Variants in ABCC1 observed in about 807,000 individuals in gnomAD.
The protein encoded by ABCC1 is ATP binding cassette subfamily C member 1 (ABCC1 blood group).
ABCC1 carries 83 observed loss-of-function variants against 172.9 expected under a neutral mutation model. The ratio of observed to expected loss-of-function variants is 0.48; its 90% CI spans 0.40 to 0.58. The LOEUF is 0.58. ABCC1 is among the 20% of genes least tolerant of loss of function. The pLI is 0.00. For missense variants in ABCC1, 1,817 were observed against 2,002.7 expected (o/e 0.91, Z 1.77); for synonymous variants, 937 against 825.2 (o/e 1.14, Z -2.32).
chr16:16,041,354 C>T (rs1285620351), intron 7 of ABCC1, among the ~76,000 whole-genome samples: 1 of 152,096 alleles, frequency 6.6e-6, no homozygotes, highest in Non-Finnish European at 1.5e-5. Flanking sequence ...TTTATTTATT[C>T]ATCTGTACAC....
At chr16:15,968,285 C>T (rs1175781050) in intron 1 of ABCC1, among the ~76,000 whole-genome samples, 2 of 152,140 alleles carry the variant, frequency 1.3e-5, no homozygotes, top group East Asian at 1.9e-4. Flanking sequence ...CCGCCTACCT[C>T]GGCCTCCCAA....
intron 27 of ABCC1, among the ~76,000 whole-genome samples, chr16:16,133,946 A>G (rs1781357515): frequency 6.6e-6 from 1 of 152,166 alleles, no homozygotes; most frequent in South Asian, 2.1e-4. Flanking sequence ...TCTTTCAGAT[A>G]TTTCAACAAC....
intron 20 of ABCC1, among the ~76,000 whole-genome samples, chr16:16,103,587 A>C (rs544964752): frequency 3.0e-4 from 46 of 152,210 alleles, no homozygotes; most frequent in Non-Finnish European, 2.6e-4. Flanking sequence ...CTCAAAAAAC[A>C]AAAACAAAAC....
At chr16:15,990,982 A>G (rs1036555349) in intron 1 of ABCC1, among the ~76,000 whole-genome samples, 2 of 151,830 alleles carry the variant, frequency 1.3e-5, no homozygotes, top group African/African-American at 4.8e-5. Context: ...TTCCTTTTTA[A>G]GGCTGAGCGA....
chr16:16,131,551 G>C (rs558094395), intron 26 of ABCC1, among the ~76,000 whole-genome samples: 180 of 152,282 alleles, frequency 1.2e-3, no homozygotes, highest in African/African-American at 4.1e-3. Flanking sequence ...GAAGGAGAAG[G>C]CAGTGCGGGA....
At chr16:15,993,345 C>A (rs2046940237) in intron 1 of ABCC1, among the ~76,000 whole-genome samples, 1 of 152,158 alleles carries the variant, frequency 6.6e-6, no homozygotes, top group South Asian at 2.1e-4. Context: ...CTGATTGAAC[C>A]CTCCTGATAA....
At chr16:16,065,761 A>G (rs1238848126) in intron 12 of ABCC1, among the ~76,000 whole-genome samples, 1 of 152,136 alleles carries the variant, frequency 6.6e-6, no homozygotes, top group Non-Finnish European at 1.5e-5. Flanking sequence ...AAAATTTTGT[A>G]GAGACACAGC....
At chr16:16,114,638 G>T in intron 22 of ABCC1, 128 bp from the exon 23 acceptor site, 1 of 929,274 alleles carries the variant, frequency 1.1e-6, no homozygotes, top group Non-Finnish European at 1.6e-6. Flanking sequence ...ACCATGCCTG[G>T]TTCATCATTA....
chr16:16,120,453 C>T (rs1194540289), intron 23 of ABCC1, among the ~76,000 whole-genome samples: 4 of 152,150 alleles, frequency 2.6e-5, no homozygotes, highest in Admixed American at 6.6e-5. Flanking sequence ...CAAGACTTAT[C>T]GGGAGGCTCT....
chr16:15,953,914 C>T (rs568441049), intron 1 of ABCC1, among the ~76,000 whole-genome samples: 10 of 151,998 alleles, frequency 6.6e-5, no homozygotes, highest in African/African-American at 2.4e-4. Flanking sequence ...CAGTGTACGA[C>T]GAGCCAATTT....
intron 1 of ABCC1, among the ~76,000 whole-genome samples, chr16:15,957,595 T>A (rs2046026803): frequency 6.6e-6 from 1 of 152,088 alleles, no homozygotes; most frequent in South Asian, 2.1e-4. Context: ...TGATTTCCAA[T>A]TTTATTTATT....
At position 15,964,927 on chromosome 16, in the gene ABCC1, C is replaced by A. The variant is rs536777780; in HGVS notation, c.48+15128C>A. The stretch of plus-strand genomic sequence containing the variant: ...TCTTTCTGAGTCCTTTTTGGGTATG[C>A]CTGGACTAGTTTGTCTTTTTCCTGT... On this transcript the variant is annotated intron_variant, in intron 1 of 30. Coordinates refer to ENST00000399410, the MANE Select transcript of ABCC1 (RefSeq NM_004996.4). 2.0e-5 allele frequency among the ~76,000 whole-genome samples: 3 copies of A among 152,208 alleles called. No homozygotes were observed. In the East Asian group the frequency reaches 5.8e-4, roughly 29 times the overall value.
chr16:16,000,222 C>G (rs1283871877), intron 1 of ABCC1, among the ~76,000 whole-genome samples: 1 of 151,810 alleles, frequency 6.6e-6, no homozygotes, highest in East Asian at 1.9e-4. Context: ...TTATGTCTCA[C>G]TGCAGTGTCT....
intron 1 of ABCC1, among the ~76,000 whole-genome samples, chr16:16,006,940 T>G (rs1054760687): frequency 1.3e-5 from 2 of 151,290 alleles, no homozygotes; most frequent in African/African-American, 4.9e-5. Flanking sequence ...GTGATGGTGT[T>G]GGCAGTGATA....
At chr16:16,077,792 G>A (rs1365393748) in intron 15 of ABCC1, among the ~76,000 whole-genome samples, 1 of 152,232 alleles carries the variant, frequency 6.6e-6, no homozygotes, top group African/African-American at 2.4e-5. Flanking sequence ...GGAGGCCAAG[G>A]TGGGCACATC....
chr16:16,059,672 G>A (rs2049822005), intron 12 of ABCC1, among the ~76,000 whole-genome samples: 1 of 151,954 alleles, frequency 6.6e-6, no homozygotes. Flanking sequence ...GGAAGTGGTG[G>A]TGCGCACCTG....
chr16:15,994,175 G>A (rs2046970817), intron 1 of ABCC1, among the ~76,000 whole-genome samples: 1 of 152,094 alleles, frequency 6.6e-6, no homozygotes, highest in Non-Finnish European at 1.5e-5. Context: ...AGCTGTGATG[G>A]TGCCAGTGTA....
At chr16:16,040,538 C>T (rs561855828) in intron 7 of ABCC1, among the ~76,000 whole-genome samples, 5 of 152,164 alleles carry the variant, frequency 3.3e-5, no homozygotes, top group African/African-American at 7.2e-5. Context: ...CTGCCTGCCT[C>T]GGCCTCCCAA....
chr16:16,101,007 T>G lies in ABCC1; in HGVS notation c.2645-1620T>G, dbSNP rs543818958. The stretch of plus-strand genomic sequence containing the variant: ...TTTGGTTTATTTTCTTTTATTCGTG[T>G]TTTTTAGATTTTTTTTTTATTTTTA... On this transcript the variant is annotated intron_variant, in intron 19 of 30. Transcript: ENST00000399410. 4.9e-5 allele frequency among the ~76,000 whole-genome samples: 7 copies of G among 143,892 alleles called. No individual in the cohort carries two copies. In the South Asian group the frequency reaches 8.5e-4, roughly 18 times the overall value. 94.4% of individuals were successfully genotyped at this position (143,892 alleles called of 152,430 possible).
Sources: gnomAD v4.1 joint callset for allele counts (sites outside exome capture counted in the v4.1 genomes callset) on GRCh38, gnomAD v4.1.1 for gene constraint, MANE v1.5 for transcripts, NCBI Gene and HGNC (gene_info 2026-07-23, HGNC 2026-07-21) for gene names.